DNAH9: variants seen among roughly 807,000 people sequenced by gnomAD.
The protein encoded by DNAH9 is DNAH9 variant protein.
Under a neutral mutation model 471.6 loss-of-function variants are expected in DNAH9, and 345 were observed. The ratio of observed to expected loss-of-function variants is 0.73; its 90% CI spans 0.67 to 0.80. DNAH9 has a LOEUF of 0.80. Among genes scored for constraint, DNAH9 ranks in the 30% least tolerant of loss-of-function variants. DNAH9 has a pLI of 0.00. For missense variants in DNAH9, 5,407 were observed against 5,609.2 expected, an observed-to-expected ratio of 0.96 and a Z score of 1.15; for synonymous variants, 2,093 against 2,123.6, an observed-to-expected ratio of 0.99 and a Z score of 0.40.
intron 19 of DNAH9, among the ~76,000 whole-genome samples, chr17:11,688,402 C>T (rs997020113): frequency 6.6e-6 from 1 of 152,116 alleles, no homozygotes; most frequent in Admixed American, 6.5e-5. Flanking sequence ...TCAGGGACAG[C>T]TTGGAGAGGA....
At chr17:11,964,191 C>A (rs1300918632) in intron 68 of DNAH9, among the ~76,000 whole-genome samples, 1 of 152,186 alleles carries the variant, frequency 6.6e-6, no homozygotes, top group Admixed American at 6.5e-5. Flanking sequence ...AGGAAGTTGA[C>A]TTCCCTCTCT....
chr17:11,757,988 C>T (rs1375592760), intron 35 of DNAH9, among the ~76,000 whole-genome samples: 5 of 152,166 alleles, frequency 3.3e-5, no homozygotes, highest in Non-Finnish European at 5.9e-5. Flanking sequence ...AGATTACAAT[C>T]CAGACACTCA....
chr17:11,675,767 T>C (rs956170127), intron 17 of DNAH9, among the ~76,000 whole-genome samples: 1 of 152,230 alleles, frequency 6.6e-6, no homozygotes, highest in Non-Finnish European at 1.5e-5. Flanking sequence ...CAACCTAGCA[T>C]CTGAGATATG....
intron 50 of DNAH9, among the ~76,000 whole-genome samples, chr17:11,857,327 CT>C (rs1306965272): frequency 6.6e-6 from 1 of 152,112 alleles, no homozygotes; most frequent in East Asian, 1.9e-4. Context: ...TGTATTCTTG[CT>C]TTTAACAACC....
At chr17:11,731,052 G>A (rs1309316665) in intron 28 of DNAH9, among the ~76,000 whole-genome samples, 7 of 150,674 alleles carry the variant, frequency 4.6e-5, no homozygotes, top group African/African-American at 1.7e-4. Context: ...TGATGATGGT[G>A]ATGGTGATGA....
intron 18 of DNAH9, 121 bp downstream of exon 18, chr17:11,680,100 T>G (rs2074109569): frequency 2.7e-6 from 2 of 750,498 alleles, no homozygotes; most frequent in Non-Finnish European, 2.2e-6. Context: ...ATCCGTGTTT[T>G]GGAACTATAA....
chr17:11,853,923 C>A (rs1971524920), intron 49 of DNAH9, 80 bp from the exon 50 acceptor site: 5 of 1,418,448 alleles, frequency 3.5e-6, no homozygotes, highest in Non-Finnish European at 9.7e-7. Context: ...ACCGATCGCT[C>A]CACAACCTAA....
At chr17:11,778,373 G>GA (rs1245652764) in intron 38 of DNAH9, among the ~76,000 whole-genome samples, 4 of 105,432 alleles carry the variant, frequency 3.8e-5, no homozygotes, top group African/African-American at 6.2e-5. Context: ...GAAAAGGGAA[G>GA]AAAAAAAAGA....
At chr17:11,788,076 C>T (rs970426928) in intron 41 of DNAH9, among the ~76,000 whole-genome samples, 2 of 152,296 alleles carry the variant, frequency 1.3e-5, no homozygotes, top group East Asian at 1.9e-4. Flanking sequence ...GCAGAGTTGG[C>T]ATATGACATG....
chr17:11,923,095 G>A (rs1974189239), intron 61 of DNAH9, among the ~76,000 whole-genome samples: 1 of 151,728 alleles, frequency 6.6e-6, no homozygotes, highest in South Asian at 2.1e-4. Flanking sequence ...TTTGTTTTGA[G>A]ACTGAGTTTC....
chr17:11,701,239 C>G lies in DNAH9; in HGVS notation c.5143C>G (p.Pro1715Ala). The G allele has an allele frequency of 2.5e-6, 4 of 1,613,356 alleles. No individual in the cohort carries two copies. Among genetic ancestry groups the G allele is most frequent in the Non-Finnish European group, 3.4e-6 (4 of 1,179,940 alleles). The change falls in exon 24 of 69, where the codon CCA becomes GCA. Residue 1715 changes from proline (P) to alanine (A), a missense_variant. Physicochemically the swap from Pro to Ala is conservative, Grantham distance 27. Around this residue, in one of 3 missense-constraint regions of DNAH9, gnomAD observed 4,636 missense variants for 4,900.3 expected, o/e 0.95. Coordinates refer to ENST00000262442, the MANE Select transcript of DNAH9 (RefSeq NM_001372.4). ...KPREQWLFDH[P>A]AQVALTCTQI... Reference sequence around the variant, plus strand: ...GAGGGAGCAGTGGCTTTTTGACCACCCAGCTCAGGTATTCTCCTAATGGGA... The same window carrying G: ...GAGGGAGCAGTGGCTTTTTGACCACGCAGCTCAGGTATTCTCCTAATGGGA...
intron 20 of DNAH9, among the ~76,000 whole-genome samples, chr17:11,693,564 G>T (rs1012531883): frequency 6.6e-6 from 1 of 152,070 alleles, no homozygotes; most frequent in African/African-American, 2.4e-5. Flanking sequence ...CGGTCTAAAT[G>T]CATTAATGAA....
intron 43 of DNAH9, among the ~76,000 whole-genome samples, chr17:11,800,370 C>CTCTCTCTCCTTCTCCCTCTCCTATTT (rs1969409832): frequency 6.6e-6 from 1 of 151,748 alleles, no homozygotes. Context: ...TCTCCTCTCT[C>CTCTCTCTCCTTCTCCCTCTCCTATTT]TCTCTCTCCT....
intron 29 of DNAH9, 58 bp downstream of exon 29, chr17:11,739,095 C>A: frequency 6.8e-7 from 1 of 1,479,298 alleles, no homozygotes. Context: ...TTTCATTTTT[C>A]CACTTAAAAT....
chr17:11,651,143 C>T lies in DNAH9; in HGVS notation c.2172C>T (p.Ala724=), dbSNP rs2073498945. 1.2e-6 allele frequency: 2 copies of T among 1,613,986 alleles called. No individual in the cohort carries two copies. The highest frequency in any genetic ancestry group is 1.7e-5 in the Admixed American group (1 of 59,994). ...EMKHMPETAA[A]MFSSRDFYRQ... is the part of the protein sequence containing the mutation. The stretch of plus-strand genomic sequence containing the variant: ...AACACATGCCTGAGACAGCAGCAGC[C>T]ATGTTCTCCTCCAGGGATTTCTATC... Residue 724 remains alanine (A), a synonymous_variant, in exon 13 of 69, where the codon GCC becomes GCT. Transcript: ENST00000262442.
chr17:11,832,962 G>A (rs997098812), intron 48 of DNAH9, among the ~76,000 whole-genome samples: 5 of 152,248 alleles, frequency 3.3e-5, no homozygotes, highest in South Asian at 2.1e-4. Flanking sequence ...AAACTTAGAC[G>A]GGCATCAGAG....
At chr17:11,656,675 C>A (rs562795612) in intron 14 of DNAH9, among the ~76,000 whole-genome samples, 1 of 152,120 alleles carries the variant, frequency 6.6e-6, no homozygotes, top group African/African-American at 2.4e-5. Context: ...CAAATGTATA[C>A]ACTCAGGTAA....
Position 11,747,539 on chromosome 17 carries a change from A to C in DNAH9, c.6400-17A>C, listed in dbSNP as rs777514332. The C allele has an allele frequency of 6.2e-7, 1 of 1,610,916 alleles. No homozygotes were observed. Among genetic ancestry groups the C allele is most frequent in the Non-Finnish European group, 8.5e-7 (1 of 1,178,580 alleles). On this transcript the variant is annotated splice_polypyrimidine_tract_variant and intron_variant, in intron 31 of 68. Coordinates refer to ENST00000262442, the MANE Select transcript of DNAH9 (RefSeq NM_001372.4). ...GTCACAGGCTGGTCCCTCTGGCTGA[A>C]TTTCCTGCCTCCTCAGGTGGTCCAG...
chr17:11,906,996 T>C (rs1973623859), intron 61 of DNAH9, among the ~76,000 whole-genome samples: 1 of 152,152 alleles, frequency 6.6e-6, no homozygotes, highest in South Asian at 2.1e-4. Context: ...CCTGCACATG[T>C]ACCACTGAAC....
Sources: allele counts gnomAD v4.1 joint callset (sites outside exome capture counted in the v4.1 genomes callset), GRCh38; gene constraint gnomAD v4.1.1; regional missense constraint gnomAD v4.1.1; transcripts MANE v1.5; gene names NCBI Gene and HGNC (gene_info 2026-07-23, HGNC 2026-07-21).